The following PCYT1A variants were observed in gnomAD, a reference collection of about 807,000 sequenced individuals.
PCYT1A encodes choline-phosphate cytidylyltransferase A.
A neutral mutation model predicts 43.7 loss-of-function variants in PCYT1A; 25 were observed. The observed-to-expected ratio is 0.57, with a 90% CI of 0.42 to 0.80. PCYT1A has a LOEUF of 0.80. PCYT1A is among the 30% of genes least tolerant of loss of function. PCYT1A has a pLI of 0.00. For missense variants in PCYT1A, 421 were observed against 474.2 expected, an observed-to-expected ratio of 0.89 and a Z score of 1.04; for synonymous variants, 172 against 170.7, an observed-to-expected ratio of 1.01 and a Z score of -0.06.
At chr3:196,262,718 A>G (rs180862105) in intron 2 of PCYT1A, among the ~76,000 whole-genome samples, 1 of 152,234 alleles carries the variant, frequency 6.6e-6, no homozygotes, top group East Asian at 1.9e-4. Context: ...GAAAATGGAC[A>G]TAATTCAAAT....
In PCYT1A at chr3:196,270,459, T is replaced by C. The variant is rs200752223; in HGVS notation, c.73A>G (p.Thr25Ala). 9 of 1,614,180 alleles carry C rather than the reference T, an allele frequency of 5.6e-6. No individual in the cohort carries two copies. Among genetic ancestry groups the C allele is most frequent in the Admixed American group, 1.7e-5 (1 of 60,030 alleles). ...RKEAPGPNGATEEDGVPSKVQ... is the reference protein window; with the variant it reads ...RKEAPGPNGAAEEDGVPSKVQ... ...TTGGAAGGAACCCCATCTTCTTCTG[T>C]TGCCCCGTTGGGTCCGGGCGCCTCT... Residue 25 changes from threonine (T) to alanine (A), a missense_variant, in exon 2 of 9, where the codon ACA becomes GCA. Physicochemically the swap from Thr to Ala is moderately conservative, Grantham distance 58. Around this residue, in one of 3 missense-constraint regions of PCYT1A, gnomAD observed 139 missense variants for 117.7 expected, o/e 1.18. Transcript: ENST00000431016.
intron 1 of PCYT1A, among the ~76,000 whole-genome samples, chr3:196,278,935 C>T (rs1257042795): frequency 6.9e-6 from 1 of 144,868 alleles, no homozygotes; most frequent in African/African-American, 2.6e-5. Flanking sequence ...GAGCCAAGAT[C>T]GTTCCACTGT....
At chr3:196,285,776 T>C (rs1290097947) in intron 1 of PCYT1A, among the ~76,000 whole-genome samples, 1 of 152,192 alleles carries the variant, frequency 6.6e-6, no homozygotes, top group Non-Finnish European at 1.5e-5. Context: ...ATCATGGTCA[T>C]AGTTTACTGC....
At chr3:196,274,231 A>G (rs781493069) in intron 1 of PCYT1A, among the ~76,000 whole-genome samples, 1 of 152,206 alleles carries the variant, frequency 6.6e-6, no homozygotes, top group Non-Finnish European at 1.5e-5. Flanking sequence ...TGGGCCCCCA[A>G]AAGCACAGGG....
intron 2 of PCYT1A, among the ~76,000 whole-genome samples, chr3:196,267,056 G>A (rs1411425223): frequency 2.0e-5 from 3 of 151,890 alleles, no homozygotes; most frequent in African/African-American, 7.3e-5. Context: ...GCTGGCGCCT[G>A]TAATCCCAGC....
chr3:196,283,057 G>T (rs530677133), intron 1 of PCYT1A, among the ~76,000 whole-genome samples: 1 of 152,346 alleles, frequency 6.6e-6, no homozygotes, highest in East Asian at 1.9e-4. Context: ...AAAGCAAGGG[G>T]CAAGGCACAG....
Position 196,270,447 on chromosome 3 carries a change from C to T in PCYT1A, c.85G>A (p.Gly29Arg), listed in dbSNP as rs371965700. The T allele has an allele frequency of 2.3e-5, 37 of 1,613,884 alleles. No homozygotes were observed. The highest frequency in any genetic ancestry group is 3.0e-5 in the Non-Finnish European group (35 of 1,179,874). The change falls in exon 2 of 9, where the codon GGG becomes AGG. Residue 29 changes from glycine (G) to arginine (R), a missense_variant. Gly to Arg is a moderately radical substitution (Grantham distance 125). Transcript: ENST00000431016. ...CAGCGCTGCACTTTGGAAGGAACCC[C>T]ATCTTCTTCTGTTGCCCCGTTGGGT... ...PGPNGATEED[G>R]VPSKVQRCAV...
intron 2 of PCYT1A, 114 bp from the exon 3 acceptor site, chr3:196,258,001 C>T (rs1268138415): frequency 1.1e-5 from 7 of 611,308 alleles, no homozygotes; most frequent in Non-Finnish European, 2.0e-5. Flanking sequence ...TAGATGGCTT[C>T]GTTTAAGAGA....
At chr3:196,239,039 T>C (rs1168297644) in intron 8 of PCYT1A, 145 bp from the exon 9 acceptor site, 6 of 445,352 alleles carry the variant, frequency 1.3e-5, no homozygotes, top group African/African-American at 1.2e-4. Flanking sequence ...TTCCCCATTC[T>C]TCCTCAATAA....
At chr3:196,243,907 G>A (rs1352957270) in intron 5 of PCYT1A, among the ~76,000 whole-genome samples, 1 of 152,254 alleles carries the variant, frequency 6.6e-6, no homozygotes, top group Non-Finnish European at 1.5e-5. Context: ...CCAGCCGCCT[G>A]CCTTGGCCTC....
In PCYT1A at chr3:196,283,505, CT is replaced by C. The variant is rs1268185237; in HGVS notation, c.-11+4109del. On this transcript the variant is annotated intron_variant, in intron 1 of 8. Transcript: ENST00000431016. ...AGAATGCCAAATATGAGACTCATTT[CT>C]TTTTATCTTCTGAGGTGGCGCTTCG... The C allele has an allele frequency of 3.3e-5, 5 of 152,194 alleles. No homozygotes were observed. The East Asian group carries it at 9.7e-4, about 29-fold the overall frequency. 9.4% of individuals were successfully genotyped at this position (152,194 alleles called of 1,614,324 possible).
intron 5 of PCYT1A, among the ~76,000 whole-genome samples, chr3:196,243,800 T>C (rs1026239058): frequency 6.6e-6 from 1 of 152,242 alleles, no homozygotes; most frequent in Non-Finnish European, 1.5e-5. Context: ...CCTCCCGAGG[T>C]GCCGGGATTG....
chr3:196,246,749 T>C (rs1344888149), intron 5 of PCYT1A, among the ~76,000 whole-genome samples: 7 of 152,244 alleles, frequency 4.6e-5, no homozygotes, highest in Non-Finnish European at 1.0e-4. Flanking sequence ...CCTGGGGCTA[T>C]GGATATTCTC....
chr3:196,236,428 A>G lies in PCYT1A; in HGVS notation c.*2260T>C, dbSNP rs748560864. The G allele has an allele frequency of 6.6e-6, 1 of 152,272 alleles. No individual in the cohort carries two copies. Among genetic ancestry groups the G allele is most frequent in the Non-Finnish European group, 1.5e-5 (1 of 68,060 alleles). 9.4% of individuals were successfully genotyped at this position (152,272 alleles called of 1,614,324 possible). On this transcript the variant is annotated 3_prime_UTR_variant, in exon 9 of 9. Transcript: ENST00000431016. Reference sequence around the variant, plus strand: ...ATGAGACTATGTAACACTGGGTAACACAGGAAAACACTAACTTCAGCTGTT... The same window carrying G: ...ATGAGACTATGTAACACTGGGTAACGCAGGAAAACACTAACTTCAGCTGTT...
At chr3:196,238,933 G>T in intron 8 of PCYT1A, 39 bp from the exon 9 acceptor site, 1 of 1,258,964 alleles carries the variant, frequency 7.9e-7, no homozygotes, top group Non-Finnish European at 1.0e-6. Flanking sequence ...AAACACCGTG[G>T]ATCCTACTTA....
intron 1 of PCYT1A, among the ~76,000 whole-genome samples, chr3:196,285,274 C>T (rs1725877610): frequency 2.0e-5 from 3 of 152,020 alleles, no homozygotes; most frequent in Admixed American, 6.6e-5. Flanking sequence ...GCCTGGCCAA[C>T]GTGGTGAAAC....
intron 7 of PCYT1A, among the ~76,000 whole-genome samples, chr3:196,241,071 A>G (rs1340365326): frequency 6.3e-5 from 9 of 143,314 alleles, no homozygotes; most frequent in African/African-American, 2.3e-4. Context: ...AGGGGGTCCG[A>G]TCGCTTGAGG....
intron 1 of PCYT1A, among the ~76,000 whole-genome samples, chr3:196,281,132 C>T (rs1287242891): frequency 1.3e-5 from 2 of 152,236 alleles, no homozygotes; most frequent in Admixed American, 1.3e-4. Context: ...GTTCCAAAGC[C>T]GAGTGCGCAA....
In PCYT1A at chr3:196,274,436, C is replaced by T. The variant is rs146346879; in HGVS notation, c.-10-3895G>A. ...CATCATTTAGATGTTGGCTTTTCAG[C>T]CCCCTGCAGGGATAGTTGCGTTTTT... On this transcript the variant is annotated intron_variant, in intron 1 of 8. Coordinates refer to ENST00000431016, the MANE Select transcript of PCYT1A (RefSeq NM_001312673.2). 3.0e-3 allele frequency among the ~76,000 whole-genome samples: 455 copies of T among 152,342 alleles called. 4 individuals carry two copies. The highest frequency in any genetic ancestry group is 0.01 in the African/African-American group (435 of 41,570).
Sources: allele counts gnomAD v4.1 joint callset (sites outside exome capture counted in the v4.1 genomes callset), GRCh38; gene constraint gnomAD v4.1.1; regional missense constraint gnomAD v4.1.1; transcripts MANE v1.5; gene names NCBI Gene and HGNC (gene_info 2026-07-23, HGNC 2026-07-21).